APBA2: variants seen among roughly 807,000 people sequenced by gnomAD.
APBA2 encodes amyloid beta precursor protein binding family A member 2.
APBA2 carries 30 observed loss-of-function variants against 75.0 expected under a neutral mutation model. The ratio of observed to expected loss-of-function variants is 0.40; its 90% CI spans 0.30 to 0.54. APBA2 has a LOEUF of 0.54. APBA2 is among the 20% of genes least tolerant of loss of function. The pLI is 0.49. For synonymous variants in APBA2, 444 were observed against 409.6 expected, an observed-to-expected ratio of 1.08 and a Z score of -1.01; for missense variants, 801 against 1,016.1, an observed-to-expected ratio of 0.79 and a Z score of 2.88.
intron 2 of APBA2, among the ~76,000 whole-genome samples, chr15:28,961,119 A>G (rs1468523855): frequency 6.6e-6 from 1 of 152,178 alleles, no homozygotes; most frequent in Non-Finnish European, 1.5e-5. Context: ...CCGGGAAGTG[A>G]TTCATTTGCT....
chr15:28,915,201 C>T (rs1170525348), intron 1 of APBA2, among the ~76,000 whole-genome samples: 1 of 7,888 alleles, frequency 1.3e-4, no homozygotes, highest in Non-Finnish European at 3.2e-4. Context: ...ACACACCACA[C>T]ACATAGCGCA....
chr15:28,992,123 A>G (rs1309477458), intron 2 of APBA2, among the ~76,000 whole-genome samples: 1 of 152,144 alleles, frequency 6.6e-6, no homozygotes, highest in African/African-American at 2.4e-5. Context: ...TTCTGGCTCC[A>G]GGGCTGGTGT....
At chr15:28,935,346 G>A (rs2034799401) in intron 2 of APBA2, among the ~76,000 whole-genome samples, 1 of 152,206 alleles carries the variant, frequency 6.6e-6, no homozygotes. Context: ...TGGGAATGGG[G>A]AGTGGGAACC....
At chr15:28,893,327 G>A (rs533934549) in intron 1 of APBA2, among the ~76,000 whole-genome samples, 1 of 152,356 alleles carries the variant, frequency 6.6e-6, no homozygotes, top group African/African-American at 2.4e-5. Context: ...GTGTGTGTGT[G>A]TTTTACCAAC....
intron 6 of APBA2, among the ~76,000 whole-genome samples, chr15:29,082,348 A>C (rs1382581387): frequency 6.6e-6 from 1 of 152,210 alleles, no homozygotes; most frequent in African/African-American, 2.4e-5. Flanking sequence ...CATAGCCATC[A>C]CTTCACATAG....
intron 9 of APBA2, among the ~76,000 whole-genome samples, chr15:29,099,512 T>G (rs1289215170): frequency 6.6e-6 from 1 of 152,200 alleles, no homozygotes; most frequent in East Asian, 1.9e-4. Context: ...ATAGGCACCC[T>G]CTGCCTGGCA....
chr15:29,115,886 C>T (rs1187696357), intron 14 of APBA2, among the ~76,000 whole-genome samples: 1 of 152,112 alleles, frequency 6.6e-6, no homozygotes. Flanking sequence ...GACCTGCTTG[C>T]CTGAGGAGGG....
chr15:28,995,026 T>C (rs1426186848), intron 2 of APBA2, among the ~76,000 whole-genome samples: 5 of 152,194 alleles, frequency 3.3e-5, no homozygotes, highest in African/African-American at 1.2e-4. Context: ...TCAGATGTGA[T>C]GTTGCAGACA....
chr15:29,017,308 A>T (rs1454360196), intron 3 of APBA2, among the ~76,000 whole-genome samples: 2 of 151,102 alleles, frequency 1.3e-5, no homozygotes, highest in East Asian at 3.9e-4. Flanking sequence ...CTCTTTCTGG[A>T]ATTCCCATCT....
At chr15:28,965,783 G>A (rs1411526819) in intron 2 of APBA2, among the ~76,000 whole-genome samples, 1 of 152,120 alleles carries the variant, frequency 6.6e-6, no homozygotes, top group Non-Finnish European at 1.5e-5. Context: ...TGTTATTAGT[G>A]TATAGACATG....
intron 3 of APBA2, among the ~76,000 whole-genome samples, chr15:29,001,494 AG>A (rs2038842745): frequency 1.3e-5 from 2 of 152,220 alleles, no homozygotes; most frequent in African/African-American, 4.8e-5. Context: ...TACAGGCATG[AG>A]CCACTGCCTC....
At chr15:28,986,339 G>A (rs1345547646) in intron 2 of APBA2, among the ~76,000 whole-genome samples, 5 of 152,138 alleles carry the variant, frequency 3.3e-5, no homozygotes, top group East Asian at 3.9e-4. Flanking sequence ...CTGTGCCAGC[G>A]CTGGCTGGTC....
intron 2 of APBA2, among the ~76,000 whole-genome samples, chr15:28,949,456 G>A (rs140291997): frequency 1.3e-3 from 194 of 152,192 alleles, no homozygotes; most frequent in African/African-American, 3.8e-3. Flanking sequence ...CCTGGGAGCC[G>A]TGCCTATTCC....
intron 2 of APBA2, among the ~76,000 whole-genome samples, chr15:28,939,468 T>G (rs1343911699): frequency 6.6e-6 from 1 of 152,218 alleles, no homozygotes; most frequent in Non-Finnish European, 1.5e-5. Context: ...TACATTTCTA[T>G]TATGCCAACA....
intron 13 of APBA2, among the ~76,000 whole-genome samples, chr15:29,113,235 TA>T (rs1398620890): frequency 3.3e-5 from 5 of 152,120 alleles, no homozygotes; most frequent in South Asian, 2.1e-4. Flanking sequence ...GCGTCACTTT[TA>T]GGCTGGAATG....
intron 6 of APBA2, among the ~76,000 whole-genome samples, chr15:29,083,179 C>T (rs2043153259): frequency 6.6e-6 from 1 of 152,076 alleles, no homozygotes; most frequent in Non-Finnish European, 1.5e-5. Flanking sequence ...TGTATTTATA[C>T]AGGAAAAGTT....
At chr15:29,066,947 C>A (rs777416075) in intron 4 of APBA2, among the ~76,000 whole-genome samples, 1 of 152,044 alleles carries the variant, frequency 6.6e-6, no homozygotes, top group Non-Finnish European at 1.5e-5. Flanking sequence ...GTAGAGGAAG[C>A]ATAATACTAA....
In APBA2 at chr15:29,117,428, G is replaced by T. The variant is rs1242923647; in HGVS notation, c.*295G>T. On this transcript the variant is annotated 3_prime_UTR_variant, in exon 15 of 15. Transcript: ENST00000683413. ...AGCCAGGGTGTGTCTCGGTAGCTGT[G>T]CGTGGTGTGGAGTGTGTGTCTTTCC... 4.9e-5 allele frequency: 24 copies of T among 487,584 alleles called. 1 individual carries two copies. The highest frequency in any genetic ancestry group is 4.2e-4 in the South Asian group (20 of 47,698). The allele number at this position is 487,584 out of a possible 1,614,324, so 30.2% of individuals were successfully genotyped here.
chr15:29,057,291 C>T (rs1208018347), intron 4 of APBA2, among the ~76,000 whole-genome samples: 1 of 152,224 alleles, frequency 6.6e-6, no homozygotes, highest in African/African-American at 2.4e-5. Context: ...CAAGATGCCA[C>T]ATTCCAGCTG....
Sources: gnomAD v4.1 joint callset for allele counts (sites outside exome capture counted in the v4.1 genomes callset) on GRCh38, gnomAD v4.1.1 for gene constraint, MANE v1.5 for transcripts, NCBI Gene and HGNC (gene_info 2026-07-23, HGNC 2026-07-21) for gene names.